TTC28: variants seen among roughly 807,000 people sequenced by gnomAD.
TTC28 encodes the protein tetratricopeptide repeat protein 28.
In TTC28, 61 loss-of-function variants were observed where a neutral mutation model predicts 198.0. The ratio of observed to expected loss-of-function variants is 0.31; its 90% CI spans 0.25 to 0.38. The LOEUF (loss-of-function observed/expected upper bound fraction) is 0.38, where lower values mean the gene tolerates loss of function less well. Among genes scored for constraint, TTC28 ranks in the 10% least tolerant of loss-of-function variants. The probability of loss-of-function intolerance (pLI) is 1.00; values close to 1 mark genes in which losing one functional copy is unlikely to be tolerated. For missense variants in TTC28, 2,678 were observed against 3,164.0 expected (o/e 0.85, Z 3.69); for synonymous variants, 1,171 against 1,297.8 (o/e 0.90, Z 2.10).
chr22:28,388,575 G>A (rs1298306879), intron 2 of TTC28, among the ~76,000 whole-genome samples: 1 of 152,074 alleles, frequency 6.6e-6, no homozygotes, highest in Non-Finnish European at 1.5e-5. Context: ...CTTGTAATTT[G>A]GATTCCTAGG....
intron 5 of TTC28, among the ~76,000 whole-genome samples, chr22:28,211,343 G>C (rs1926938443): frequency 6.6e-6 from 1 of 152,064 alleles, no homozygotes; most frequent in Admixed American, 6.6e-5. Flanking sequence ...CTGGCAAATT[G>C]GATAAAGAGT....
Position 27,982,431 on chromosome 22 carries a change from T to C in TTC28, c.7236A>G (p.Glu2412=). 2.6e-6 allele frequency: 4 copies of C among 1,551,360 alleles called. No individual in the cohort carries two copies. The highest frequency in any genetic ancestry group is 3.5e-6 in the Non-Finnish European group (4 of 1,146,936). Residue 2412 remains glutamate, a synonymous_variant, in exon 23 of 23, where the codon GAA becomes GAG. Coordinates refer to ENST00000397906, the MANE Select transcript of TTC28 (RefSeq NM_001145418.2). The surrounding 1 kb of genome is among the most constrained non-coding windows in gnomAD (Gnocchi z 5.2). The stretch of plus-strand genomic sequence containing the variant: ...GCTGCTGCAGGGACAGCTCCTTCAG[T>C]TCAAGCTTATCCACTCCCTCCTCCT... ...NKKEEGVDKL[E]LKELSLQQHD...
At chr22:28,366,046 C>T (rs134514) in intron 2 of TTC28, among the ~76,000 whole-genome samples, 132,378 of 152,198 alleles carry the variant, frequency 0.87, 57,667 homozygotes, top group East Asian at 0.99. Context: ...AAGGAAAGAA[C>T]GTGCTACAAT....
intron 2 of TTC28, among the ~76,000 whole-genome samples, chr22:28,364,174 T>C (rs1358631032): frequency 6.6e-6 from 1 of 152,198 alleles, no homozygotes; most frequent in Non-Finnish European, 1.5e-5. Context: ...AACTGAATCA[T>C]GTGGGCAAGT....
At chr22:28,401,913 C>A (rs565614852) in intron 2 of TTC28, among the ~76,000 whole-genome samples, 415 of 152,300 alleles carry the variant, frequency 2.7e-3, no homozygotes, top group Non-Finnish European at 4.0e-3. Flanking sequence ...ATTTAATTCA[C>A]AACTGCTATG....
intron 2 of TTC28, among the ~76,000 whole-genome samples, chr22:28,389,926 T>G (rs2046686520): frequency 1.3e-5 from 2 of 151,950 alleles, no homozygotes; most frequent in Admixed American, 1.3e-4. Context: ...TTCTTTTAAT[T>G]GTGATGTTAG....
chr22:27,990,950 G>A (rs1394949872), intron 19 of TTC28, 138 bp from the exon 20 acceptor site: 2 of 840,852 alleles, frequency 2.4e-6, no homozygotes, highest in South Asian at 1.8e-5. Flanking sequence ...GACTGGGAGG[G>A]GAGAGGAGCA....
intron 6 of TTC28, among the ~76,000 whole-genome samples, chr22:28,127,165 C>A (rs1185064520): frequency 1.3e-5 from 2 of 152,064 alleles, no homozygotes. Context: ...AGAATCAGGC[C>A]CTACTAAAAA....
intron 2 of TTC28, among the ~76,000 whole-genome samples, chr22:28,398,071 G>A (rs985788345): frequency 7.7e-4 from 117 of 152,194 alleles, no homozygotes; most frequent in Admixed American, 5.2e-3. Flanking sequence ...CCCCCAGACT[G>A]ACTCCTGAAA....
intron 5 of TTC28, among the ~76,000 whole-genome samples, chr22:28,178,938 CT>C (rs1280582276): frequency 6.6e-6 from 1 of 152,118 alleles, no homozygotes; most frequent in African/African-American, 2.4e-5. Flanking sequence ...AGTTTAGCCT[CT>C]ATTGATGAAT....
At chr22:28,312,368 A>G (rs946316690) in intron 2 of TTC28, among the ~76,000 whole-genome samples, 60 of 152,222 alleles carry the variant, frequency 3.9e-4, no homozygotes, top group African/African-American at 1.4e-3. Flanking sequence ...AACCTAATAG[A>G]CATCTACAGA....
At chr22:28,061,499 C>G (rs975290619) in intron 12 of TTC28, among the ~76,000 whole-genome samples, 18 of 152,232 alleles carry the variant, frequency 1.2e-4, no homozygotes, top group African/African-American at 3.6e-4. Flanking sequence ...GCTTGTTTTT[C>G]TCAGGTTTGT....
chr22:28,672,954 C>T (rs903249377), intron 1 of TTC28, among the ~76,000 whole-genome samples: 6 of 152,092 alleles, frequency 3.9e-5, no homozygotes, highest in Non-Finnish European at 8.8e-5. Context: ...TTTTTGAGAT[C>T]CCACTTGATA....
intron 2 of TTC28, among the ~76,000 whole-genome samples, chr22:28,355,540 C>T (rs1037519029): frequency 6.6e-6 from 1 of 152,186 alleles, no homozygotes; most frequent in Non-Finnish European, 1.5e-5. Flanking sequence ...TTTCAACAAA[C>T]TTGTGAGGTA....
chr22:28,027,071 CAT>C (rs1367736472), intron 13 of TTC28, among the ~76,000 whole-genome samples: 32 of 152,204 alleles, frequency 2.1e-4, no homozygotes, highest in African/African-American at 7.7e-4. Context: ...GGTCCAGTCA[CAT>C]ACACACATAT....
At chr22:28,269,947 T>C (rs537944707) in intron 5 of TTC28, among the ~76,000 whole-genome samples, 2 of 152,236 alleles carry the variant, frequency 1.3e-5, no homozygotes, top group African/African-American at 4.8e-5. Context: ...TCACTTTAAG[T>C]TGCAAGAAAA....
At chr22:28,287,833 G>T (rs1485494758) in intron 5 of TTC28, among the ~76,000 whole-genome samples, 2 of 152,028 alleles carry the variant, frequency 1.3e-5, no homozygotes, top group Non-Finnish European at 2.9e-5. Flanking sequence ...TATAGAAGAT[G>T]GACTAGATCA....
chr22:28,674,520 G>C (rs752837609), intron 1 of TTC28, among the ~76,000 whole-genome samples: 1 of 151,982 alleles, frequency 6.6e-6, no homozygotes, highest in Non-Finnish European at 1.5e-5. Context: ...CATAAGATGC[G>C]TAAGAGTTAA....
At chr22:28,563,817 A>G (rs868749378) in intron 2 of TTC28, among the ~76,000 whole-genome samples, 2 of 152,188 alleles carry the variant, frequency 1.3e-5, no homozygotes, top group African/African-American at 4.8e-5. Context: ...AAAGAAGTGA[A>G]ACTCAAACAA....
Sources: allele counts gnomAD v4.1 joint callset (sites outside exome capture counted in the v4.1 genomes callset), GRCh38; gene constraint gnomAD v4.1.1; non-coding constraint Gnocchi (gnomAD v3.1); transcripts MANE v1.5; gene names NCBI Gene and HGNC (gene_info 2026-07-23, HGNC 2026-07-21).